Variants in SYN3 observed in about 807,000 individuals in gnomAD.
SYN3 encodes synapsin III.
A neutral mutation model predicts 65.8 loss-of-function variants in SYN3; 35 were observed. The observed-to-expected ratio is 0.53, with a 90% confidence interval of 0.41 to 0.70. The LOEUF (loss-of-function observed/expected upper bound fraction) is 0.70. Ranked by LOEUF, SYN3 falls within the 30% of genes least tolerant of loss-of-function variation. SYN3 has a pLI of 0.00. For synonymous variants in SYN3, 270 were observed against 292.9 expected, an observed-to-expected ratio of 0.92 and a Z score of 0.80; for missense variants, 680 against 749.0, an observed-to-expected ratio of 0.91 and a Z score of 1.08.
chr22:33,022,703 T>C (rs1423371737), intron 1 of SYN3, among the ~76,000 whole-genome samples: 1 of 152,152 alleles, frequency 6.6e-6, no homozygotes, highest in East Asian at 1.9e-4. Flanking sequence ...TCAGGAAATT[T>C]TGTGGGAGAG....
intron 1 of SYN3, among the ~76,000 whole-genome samples, chr22:33,013,694 A>C (rs1214196945): frequency 6.6e-6 from 1 of 152,028 alleles, no homozygotes; most frequent in Non-Finnish European, 1.5e-5. Flanking sequence ...GAAACTTTGT[A>C]CTCTCTGACC....
In SYN3 at chr22:32,859,287, C is replaced by T. The variant is rs148860703; in HGVS notation, c.711+5628G>A. The T allele has an allele frequency of 1.4e-5, 23 of 1,614,190 alleles. No individual in the cohort carries two copies. The highest frequency in any genetic ancestry group is 3.3e-5 in the Admixed American group (2 of 60,020). On this transcript the variant is annotated intron_variant, in intron 6 of 13. Coordinates refer to ENST00000358763, the MANE Select transcript of SYN3 (RefSeq NM_003490.4). ...ACCCTGGCTACCAGTCCAAACACTA[C>T]GCCTGCATCCGGCAGAAGGGCGGCT...
chr22:32,695,168 G>A (rs1221463217), intron 6 of SYN3, among the ~76,000 whole-genome samples: 1 of 152,008 alleles, frequency 6.6e-6, no homozygotes, highest in African/African-American at 2.4e-5. Context: ...GGAATGTCCA[G>A]CATGCATATT....
chr22:32,817,062 T>TA (rs130284), intron 6 of SYN3, among the ~76,000 whole-genome samples: 131,124 of 145,194 alleles, frequency 0.9, 59,181 homozygotes, highest in Middle Eastern at 0.92. Context: ...TCTACTAATT[T>TA]AAAAAAAAAA....
At chr22:32,621,920 A>T (rs1569099028) in intron 6 of SYN3, among the ~76,000 whole-genome samples, 1 of 151,936 alleles carries the variant, frequency 6.6e-6, no homozygotes, top group Non-Finnish European at 1.5e-5. Context: ...TGCCCAGGTG[A>T]GCCTTGCTGG....
intron 6 of SYN3, among the ~76,000 whole-genome samples, chr22:32,802,534 C>T (rs1374298107): frequency 3.9e-5 from 6 of 152,014 alleles, no homozygotes; most frequent in African/African-American, 1.5e-4. Context: ...AAAAGTTGCC[C>T]GCCATGTGCA....
chr22:32,899,213 C>A (rs1022509771), intron 4 of SYN3, among the ~76,000 whole-genome samples: 1 of 152,150 alleles, frequency 6.6e-6, no homozygotes, highest in South Asian at 2.1e-4. Flanking sequence ...TGAATCCTAG[C>A]GGGTGGTTCA....
intron 7 of SYN3, among the ~76,000 whole-genome samples, chr22:32,588,715 A>G (rs2059086196): frequency 6.6e-6 from 1 of 152,208 alleles, no homozygotes; most frequent in Non-Finnish European, 1.5e-5. Context: ...TAGTAAATCC[A>G]GATTTAAACC....
chr22:32,528,070 G>T, intron 11 of SYN3, 65 bp from the exon 12 acceptor site: 1 of 1,259,236 alleles, frequency 7.9e-7, no homozygotes, highest in Non-Finnish European at 1.1e-6. Context: ...GGGTGAGAGG[G>T]CAGCATTTAT....
intron 6 of SYN3, among the ~76,000 whole-genome samples, chr22:32,691,113 G>A (rs1371234554): frequency 3.9e-5 from 6 of 152,186 alleles, no homozygotes; most frequent in South Asian, 4.1e-4. Context: ...CCTACAGAAC[G>A]TCACTCCTCT....
intron 1 of SYN3, among the ~76,000 whole-genome samples, chr22:33,029,483 C>A (rs2053711647): frequency 6.6e-6 from 1 of 152,082 alleles, no homozygotes; most frequent in Non-Finnish European, 1.5e-5. Flanking sequence ...ATGCCCAACC[C>A]TAAAAATGAT....
intron 3 of SYN3, among the ~76,000 whole-genome samples, chr22:32,954,338 C>T (rs2051381541): frequency 1.3e-5 from 2 of 152,154 alleles, no homozygotes; most frequent in Admixed American, 6.5e-5. Flanking sequence ...TCCCCACCTC[C>T]AGAGCTTTTA....
Position 32,569,365 on chromosome 22 carries a change from C to G in SYN3, c.774+27309G>C, listed in dbSNP as rs1050114888. 3.3e-5 allele frequency among the ~76,000 whole-genome samples: 5 copies of G among 151,174 alleles called. No individual in the cohort carries two copies. In the East Asian group the frequency reaches 9.7e-4, roughly 29 times the overall value. On this transcript the variant is annotated intron_variant, in intron 7 of 13. Coordinates refer to ENST00000358763, the MANE Select transcript of SYN3 (RefSeq NM_003490.4). Reference sequence around the variant, plus strand: ...ATCCAAAATATATCTATCTATCCATCTATACCTATCTAAAATCTATCTATC... The same window carrying G: ...ATCCAAAATATATCTATCTATCCATGTATACCTATCTAAAATCTATCTATC...
chr22:32,814,313 G>GAA (rs774703088), intron 6 of SYN3, among the ~76,000 whole-genome samples: 1 of 39,674 alleles, frequency 2.5e-5, no homozygotes, highest in Non-Finnish European at 4.6e-5. Context: ...GAGAGAGAGA[G>GAA]AGACAGAAAG....
chr22:32,874,198 G>A (rs1222815957), intron 4 of SYN3, among the ~76,000 whole-genome samples: 2 of 152,106 alleles, frequency 1.3e-5, no homozygotes, highest in Non-Finnish European at 2.9e-5. Flanking sequence ...TTCTCTTCCT[G>A]CCGTAGAGCC....
At chr22:32,960,471 G>A (rs1000325796) in intron 3 of SYN3, among the ~76,000 whole-genome samples, 11 of 152,120 alleles carry the variant, frequency 7.2e-5, no homozygotes, top group Non-Finnish European at 1.2e-4. Flanking sequence ...CTCTGTCTAC[G>A]AACAATCATG....
chr22:32,841,181 T>C (rs950180745), intron 6 of SYN3, among the ~76,000 whole-genome samples: 1 of 152,232 alleles, frequency 6.6e-6, no homozygotes, highest in Non-Finnish European at 1.5e-5. Flanking sequence ...CCAGGCACTC[T>C]TCGGGCAGCT....
chr22:32,780,946 C>CT (rs2046032963), intron 6 of SYN3, among the ~76,000 whole-genome samples: 1 of 67,662 alleles, frequency 1.5e-5, no homozygotes, highest in Non-Finnish European at 3.0e-5. Flanking sequence ...TCCTTCCTTC[C>CT]TTCCTTCCTT....
intron 6 of SYN3, among the ~76,000 whole-genome samples, chr22:32,710,061 GTA>G (rs35298184): frequency 0.27 from 36,540 of 134,904 alleles, 6,755 homozygotes; most frequent in East Asian, 0.62. Flanking sequence ...CAAAGAATAT[GTA>G]TATATATATA....
Sources: allele counts gnomAD v4.1 joint callset (sites outside exome capture counted in the v4.1 genomes callset), GRCh38; gene constraint gnomAD v4.1.1; transcripts MANE v1.5; gene names NCBI Gene and HGNC (gene_info 2026-07-23, HGNC 2026-07-21).